The following ATP11C variants were observed in gnomAD, a reference collection of about 807,000 sequenced individuals.
ATP11C encodes ATPase phospholipid transporting 11C (ATP11C blood group).
Under a neutral mutation model 97.4 loss-of-function variants are expected in ATP11C, and 36 were observed. The ratio of observed to expected loss-of-function variants is 0.37; its 90% CI spans 0.28 to 0.49. The LOEUF (loss-of-function observed/expected upper bound fraction) is 0.49. Ranked by LOEUF, ATP11C falls within the 20% of genes least tolerant of loss-of-function variation. The pLI, the probability that ATP11C is intolerant of heterozygous loss-of-function variation, is 0.98. For missense variants in ATP11C, 730 were observed against 824.6 expected (o/e 0.89, Z 1.40); for synonymous variants, 275 against 290.9 (o/e 0.95, Z 0.56).
At chrX:139,818,057 C>A (rs1372741570) in intron 3 of ATP11C, among the ~76,000 whole-genome samples, 1 of 111,341 alleles carries the variant, frequency 9.0e-6, no homozygotes, top group Non-Finnish European at 1.9e-5. Context: ...TGACTTTAGG[C>A]AATCTCTTCC....
intron 21 of ATP11C, 110 bp from the exon 22 acceptor site, chrX:139,762,216 G>T: frequency 1.5e-6 from 1 of 650,775 alleles, no homozygotes; most frequent in Non-Finnish European, 2.3e-6. Context: ...CTATCAATTA[G>T]TTTTCCTTTT....
At chrX:139,874,261 T>C (rs1338222899) in intron 1 of ATP11C, among the ~76,000 whole-genome samples, 1 of 99,115 alleles carries the variant, frequency 1.0e-5, no homozygotes, top group Non-Finnish European at 2.0e-5. Flanking sequence ...GGTTTCACCA[T>C]GTTGGCCAGA....
intron 7 of ATP11C, 57 bp from the exon 8 acceptor site, chrX:139,800,167 C>A: frequency 1.2e-6 from 1 of 851,528 alleles, no homozygotes; most frequent in Non-Finnish European, 1.7e-6. Context: ...AATCCATGTA[C>A]CAGAAATATG....
Position 139,768,415 on chromosome X carries a change from C to T in ATP11C, c.2236G>A (p.Glu746Lys). 1 of 1,126,833 alleles carries T rather than the reference C, an allele frequency of 8.9e-7. No individual in the cohort carries two copies. The highest frequency in any genetic ancestry group is 1.2e-6 in the Non-Finnish European group (1 of 847,444). 92.9% of individuals were successfully genotyped at this position (1,126,833 alleles called of 1,213,427 possible). A position where few individuals can be genotyped will look rare whatever the true frequency, so the allele number is the denominator to read the frequency against. Residue 746 changes from glutamate to lysine, a missense_variant, in exon 20 of 30, where the codon GAA becomes AAA. Glu to Lys is a moderately conservative substitution (Grantham distance 56). Coordinates refer to ENST00000682941, the MANE Select transcript of ATP11C (RefSeq NM_001353812.2). The part of the protein sequence containing the change: ...SFKKAWTEHQ[E>K]YGLIIDGSTL... Reference sequence around the variant, plus strand: ...GAGCCATCTATGATTAATCCATATTCCTGATGTTCTGTCCATGCTCTGAAA... The same window carrying T: ...GAGCCATCTATGATTAATCCATATTTCTGATGTTCTGTCCATGCTCTGAAA...
Position 139,768,418 on chromosome X carries a change from G to T in ATP11C, c.2233C>A (p.Gln745Lys). ...CCATCTATGATTAATCCATATTCCT[G>T]ATGTTCTGTCCATGCTCTGAAAAAG... is the stretch of plus-strand genomic sequence containing the variant. ...RSFKKAWTEH[Q>K]EYGLIIDGST... is the part of the protein sequence containing the mutation. Residue 745 changes from glutamine to lysine, a missense_variant, in exon 20 of 30, where the codon CAG becomes AAG. Coordinates refer to ENST00000682941, the MANE Select transcript of ATP11C (RefSeq NM_001353812.2). The T allele has an allele frequency of 8.9e-7, 1 of 1,126,163 alleles. No homozygotes were observed. The highest frequency in any genetic ancestry group is 1.2e-6 in the Non-Finnish European group (1 of 847,270). 92.8% of individuals were successfully genotyped at this position (1,126,163 alleles called of 1,213,427 possible).
At chrX:139,847,968 C>G (rs2083934672) in intron 1 of ATP11C, among the ~76,000 whole-genome samples, 1 of 111,109 alleles carries the variant, frequency 9.0e-6, no homozygotes. Context: ...TCTGGAGATA[C>G]CAGCTTTTAC....
At chrX:139,775,917 A>G (rs919810412) in intron 18 of ATP11C, among the ~76,000 whole-genome samples, 9 of 112,475 alleles carry the variant, frequency 8.0e-5, no homozygotes, top group African/African-American at 1.6e-4. Flanking sequence ...CCCTGCAAAT[A>G]TACTCCAACC....
intron 27 of ATP11C, among the ~76,000 whole-genome samples, chrX:139,738,734 T>A (rs2081495300): frequency 9.0e-6 from 1 of 111,144 alleles, no homozygotes; most frequent in Admixed American, 9.6e-5. Context: ...CATTGTAAAG[T>A]GGCCATTGAG....
chrX:139,898,607 C>T (rs140753259), intron 1 of ATP11C, among the ~76,000 whole-genome samples: 1,474 of 111,084 alleles, frequency 0.013, 20 homozygotes, highest in African/African-American at 0.044. Flanking sequence ...TACACAAATA[C>T]GTTAGGTTCC....
intron 1 of ATP11C, among the ~76,000 whole-genome samples, chrX:139,900,388 A>T (rs1320311920): frequency 9.1e-6 from 1 of 110,009 alleles, no homozygotes; most frequent in Non-Finnish European, 1.9e-5. Flanking sequence ...AAAAAAAAAA[A>T]AAATTGCTAA....
intron 12 of ATP11C, 150 bp downstream of exon 12, chrX:139,796,123 T>C: frequency 2.6e-6 from 1 of 377,573 alleles, no homozygotes; most frequent in East Asian, 4.4e-5. Flanking sequence ...ATGAAAACAC[T>C]GCTTACCTTC....
At chrX:139,924,900 T>C (rs2085326718) in intron 1 of ATP11C, among the ~76,000 whole-genome samples, 1 of 111,925 alleles carries the variant, frequency 8.9e-6, no homozygotes, top group Admixed American at 9.5e-5. Context: ...CTGTATCCTT[T>C]TGCTATAATA....
chrX:139,803,249 A>G (rs758750417), intron 6 of ATP11C, among the ~76,000 whole-genome samples: 18 of 112,607 alleles, frequency 1.6e-4, no homozygotes, highest in African/African-American at 4.2e-4. Context: ...TTCTTGATTT[A>G]TATCTTGACA....
At chrX:139,800,024 C>G (rs747267141) in intron 8 of ATP11C, 36 bp downstream of exon 8, 2 of 532,702 alleles carry the variant, frequency 3.8e-6, no homozygotes, top group Non-Finnish European at 5.8e-6. Context: ...CCCCCCCCCC[C>G]AACCAAAGGA....
At chrX:139,869,724 G>A (rs1233790365) in intron 1 of ATP11C, among the ~76,000 whole-genome samples, 1 of 106,917 alleles carries the variant, frequency 9.4e-6, no homozygotes. Context: ...AACCTGGGAG[G>A]TGGAGGTTGC....
chrX:139,809,660 T>C (rs191741148), intron 5 of ATP11C, among the ~76,000 whole-genome samples: 250 of 112,177 alleles, frequency 2.2e-3, no homozygotes, highest in Non-Finnish European at 3.6e-3. Context: ...TTAAAAATGG[T>C]TACTTAAAAA....
At position 139,888,323 on chromosome X, in the gene ATP11C, G is replaced by A. The variant is rs141626395; in HGVS notation, c.27+43693C>T. Among the ~76,000 whole-genome samples, 144 of 109,746 alleles carry A rather than the reference G, an allele frequency of 1.3e-3. No individual in the cohort carries two copies. In the East Asian group the frequency reaches 0.019, roughly 14 times the overall value. ...TAATTTTTGTATTTTTGTAGAGACGGGGTTTCACCATGTTGGCCAGGCTGC... is the reference window on the plus strand; with the variant it reads ...TAATTTTTGTATTTTTGTAGAGACGAGGTTTCACCATGTTGGCCAGGCTGC... On this transcript the variant is annotated intron_variant, in intron 1 of 29. Coordinates refer to ENST00000682941, the MANE Select transcript of ATP11C (RefSeq NM_001353812.2).
chrX:139,777,756 A>T (rs948779707), intron 18 of ATP11C, among the ~76,000 whole-genome samples: 4 of 111,341 alleles, frequency 3.6e-5, no homozygotes, highest in Non-Finnish European at 5.6e-5. Context: ...AAAAAATCTT[A>T]AAGGCAGCTA....
chrX:139,780,024 T>C (rs1298076423), intron 18 of ATP11C, among the ~76,000 whole-genome samples: 1 of 110,445 alleles, frequency 9.1e-6, no homozygotes, highest in Non-Finnish European at 1.9e-5. Context: ...AAAGAAACCC[T>C]AAACAAGCTA....
Sources: gnomAD v4.1 joint callset for allele counts (sites outside exome capture counted in the v4.1 genomes callset) on GRCh38, gnomAD v4.1.1 for gene constraint, MANE v1.5 for transcripts, NCBI Gene and HGNC (gene_info 2026-07-23, HGNC 2026-07-21) for gene names.